The following SUB1 variants were observed in gnomAD, a reference collection of about 807,000 sequenced individuals.
The protein encoded by SUB1 is SUB1 regulator of transcription.
SUB1 carries 1 observed loss-of-function variant against 16.9 expected under a neutral mutation model. That is an observed-to-expected ratio of 0.06 (90% CI 0.02 to 0.28). SUB1 has a LOEUF of 0.28. SUB1 is among the 10% of genes least tolerant of loss of function. SUB1 has a pLI of 1.00. For missense variants in SUB1, 84 were observed against 145.2 expected (o/e 0.58, Z 2.16); for synonymous variants, 51 against 46.9 (o/e 1.09, Z -0.36).
At chr5:32,589,563 C>T (rs917732182) in intron 2 of SUB1, among the ~76,000 whole-genome samples, 1 of 152,128 alleles carries the variant, frequency 6.6e-6, no homozygotes, top group East Asian at 1.9e-4. Context: ...ACAAGATAGG[C>T]TTTTTCTGCA....
chr5:32,587,393 C>G (rs1029138026), intron 1 of SUB1, among the ~76,000 whole-genome samples: 5 of 152,164 alleles, frequency 3.3e-5, no homozygotes, highest in African/African-American at 1.2e-4. Context: ...AACTTGCACT[C>G]AGGCACTCAG....
intron 3 of SUB1, 75 bp downstream of exon 3, chr5:32,591,760 G>A: frequency 6.9e-7 from 1 of 1,439,884 alleles, no homozygotes; most frequent in Non-Finnish European, 9.2e-7. Flanking sequence ...GAGTGCAGTG[G>A]CGCCATCTCG....
At chr5:32,600,059 T>TACAACAAC (rs1371315782) in intron 4 of SUB1, among the ~76,000 whole-genome samples, 2 of 152,268 alleles carry the variant, frequency 1.3e-5, no homozygotes, top group Non-Finnish European at 2.9e-5. Context: ...TCATGTTACT[T>TACAACAAC]AATCATTTAC....
chr5:32,591,460 TGTAGTC>T, intron 2 of SUB1, 97 bp from the exon 3 acceptor site: 1 of 1,396,334 alleles, frequency 7.2e-7, no homozygotes, highest in East Asian at 2.6e-5. Context: ...ATATTTTGGA[TGTAGTC>T]TTTTGATTGT....
Position 32,602,184 on chromosome 5 carries a change from A to G in SUB1, c.*1100A>G, listed in dbSNP as rs773377742. 2 of 455,064 alleles carry G rather than the reference A, an allele frequency of 4.4e-6. No individual in the cohort carries two copies. Among genetic ancestry groups the G allele is most frequent in the South Asian group, 1.6e-5 (1 of 64,396 alleles). 28.2% of individuals were successfully genotyped at this position (455,064 alleles called of 1,614,324 possible). ...ACTAGTAAGTGGTTTGTATTTAACC[A>G]TACTGATGAAGCAGACAGATTGAGG... On this transcript the variant is annotated 3_prime_UTR_variant, in exon 5 of 5. Coordinates refer to ENST00000265073, the MANE Select transcript of SUB1 (RefSeq NM_006713.4).
At chr5:32,590,190 C>T (rs1738782451) in intron 2 of SUB1, among the ~76,000 whole-genome samples, 1 of 152,152 alleles carries the variant, frequency 6.6e-6, no homozygotes, top group Admixed American at 6.5e-5. Flanking sequence ...AGTAATATTA[C>T]TCTTGTAAAC....
At chr5:32,593,522 ATTCTG>A (rs1486671745) in intron 3 of SUB1, among the ~76,000 whole-genome samples, 4 of 152,000 alleles carry the variant, frequency 2.6e-5, no homozygotes, top group African/African-American at 9.7e-5. Flanking sequence ...CATTTTAGAG[ATTCTG>A]TTCTGTTAAG....
intron 3 of SUB1, among the ~76,000 whole-genome samples, chr5:32,592,273 T>C (rs1478471375): frequency 6.6e-6 from 1 of 152,216 alleles, no homozygotes; most frequent in Non-Finnish European, 1.5e-5. Context: ...GGTCAAGTGT[T>C]GGGACAGTAA....
In SUB1 at chr5:32,598,948, G is replaced by T; in HGVS notation, c.196-13G>T. The T allele has an allele frequency of 6.3e-7, 1 of 1,599,678 alleles. No individual in the cohort carries two copies. Among genetic ancestry groups the T allele is most frequent in the Admixed American group, 1.7e-5 (1 of 57,904 alleles). On this transcript the variant is annotated splice_polypyrimidine_tract_variant and intron_variant, in intron 3 of 4. Coordinates refer to ENST00000265073, the MANE Select transcript of SUB1 (RefSeq NM_006713.4). ...GAAAGGAGCACCTCTTTTTATGTTT[G>T]TTTCTTTTGCAGATTGGGAAAATGA... is the stretch of plus-strand genomic sequence containing the variant.
chr5:32,595,548 A>T (rs516909), intron 3 of SUB1: 146,562 of 152,362 alleles, frequency 0.96, 70,891 homozygotes, highest in Non-Finnish European at 0.99. Context: ...TACAACTTGT[A>T]AATCCATTCA....
At chr5:32,598,640 CCT>C (rs1739038747) in intron 3 of SUB1, 1 of 183,296 alleles carries the variant, frequency 5.5e-6, no homozygotes, top group African/African-American at 2.4e-5. Flanking sequence ...GATAAAATAA[CCT>C]CATATCTAGG....
At position 32,601,751 on chromosome 5, in the gene SUB1, TAAAC is replaced by T. The variant is rs1739120135; in HGVS notation, c.*670_*673del. ...TTCAATATTAGCAGATCTAATTTGA[TAAAC>T]AACATGGCTTGTGTGAAAACTGAGC... On this transcript the variant is annotated 3_prime_UTR_variant, in exon 5 of 5. Transcript: ENST00000265073. 6.5e-6 allele frequency: 1 copy of T among 154,012 alleles called. No individual in the cohort carries two copies. Among genetic ancestry groups the T allele is most frequent in the African/African-American group, 2.4e-5 (1 of 41,466 alleles). The allele number at this position is 154,012 out of a possible 1,614,324, so 9.5% of individuals were successfully genotyped here. A position where few individuals can be genotyped will look rare whatever the true frequency, so the allele number is the denominator to read the frequency against.
chr5:32,601,263 T>C lies in SUB1; in HGVS notation c.*179T>C. ...TAAAAATATTGAGTGAAGCTAATTGTCAACTTTATTAAGGATTACTTTGTC... is the reference window on the plus strand; with the variant it reads ...TAAAAATATTGAGTGAAGCTAATTGCCAACTTTATTAAGGATTACTTTGTC... On this transcript the variant is annotated 3_prime_UTR_variant, in exon 5 of 5. Coordinates refer to ENST00000265073, the MANE Select transcript of SUB1 (RefSeq NM_006713.4). The C allele has an allele frequency of 1.8e-6, 1 of 557,702 alleles. No homozygotes were observed. Among genetic ancestry groups the C allele is most frequent in the South Asian group, 2.2e-5 (1 of 44,962 alleles). The allele number at this position is 557,702 out of a possible 1,614,324, so 34.5% of individuals were successfully genotyped here.
At chr5:32,593,628 C>T (rs759300136) in intron 3 of SUB1, among the ~76,000 whole-genome samples, 28 of 152,038 alleles carry the variant, frequency 1.8e-4, no homozygotes, top group Non-Finnish European at 4.0e-4. Flanking sequence ...GGAAAGATTC[C>T]TAAGCCTCCT....
At chr5:32,600,568 T>C (rs62368614) in intron 4 of SUB1, among the ~76,000 whole-genome samples, 1 of 152,012 alleles carries the variant, frequency 6.6e-6, no homozygotes, top group Non-Finnish European at 1.5e-5. Context: ...ATGTAAGAGA[T>C]ATGATTTTCA....
chr5:32,594,592 A>T (rs1053975141), intron 3 of SUB1: 3 of 454,998 alleles, frequency 6.6e-6, no homozygotes, highest in African/African-American at 6.0e-5. Flanking sequence ...AACCTTTATC[A>T]CAGGGGTCCC....
intron 2 of SUB1, among the ~76,000 whole-genome samples, chr5:32,589,538 A>G (rs1443408009): frequency 1.3e-5 from 2 of 152,198 alleles, no homozygotes; most frequent in African/African-American, 2.4e-5. Context: ...AGTAAAGCTA[A>G]CTTGAAACCC....
rs1739157235 is a variant in SUB1 at position 32,603,158 on chromosome 5, T to C, written c.*2074T>C. 6.6e-6 allele frequency: 1 copy of C among 152,158 alleles called. No individual in the cohort carries two copies. The highest frequency in any genetic ancestry group is 1.5e-5 in the Non-Finnish European group (1 of 67,994). 9.4% of individuals were successfully genotyped at this position (152,158 alleles called of 1,614,324 possible). ...GTGTTTCTCTGGCACAGTTGGTAAG[T>C]TGACTGCTAACTTCATTTAAATGTG... is the stretch of plus-strand genomic sequence containing the variant. On this transcript the variant is annotated 3_prime_UTR_variant, in exon 5 of 5. Coordinates refer to ENST00000265073, the MANE Select transcript of SUB1 (RefSeq NM_006713.4).
chr5:32,586,830 G>C (rs1738683460), intron 1 of SUB1, among the ~76,000 whole-genome samples: 1 of 152,172 alleles, frequency 6.6e-6, no homozygotes. Flanking sequence ...TTTCCCTTCT[G>C]AATTTACCCT....
Sources: gnomAD v4.1 joint callset for allele counts (sites outside exome capture counted in the v4.1 genomes callset) on GRCh38, gnomAD v4.1.1 for gene constraint, MANE v1.5 for transcripts, NCBI Gene and HGNC (gene_info 2026-07-23, HGNC 2026-07-21) for gene names.